The following RSPO2 variants were observed in gnomAD, a reference collection of about 807,000 sequenced individuals.
The protein encoded by RSPO2 is R-spondin 2, also known as R-spondin-2.
In RSPO2, 14 loss-of-function variants were observed where a neutral mutation model predicts 30.9. That is an observed-to-expected ratio of 0.45 (90% CI 0.30 to 0.71). The LOEUF (loss-of-function observed/expected upper bound fraction) is 0.71. Ranked by LOEUF, RSPO2 falls within the 30% of genes least tolerant of loss-of-function variation. RSPO2 has a pLI of 0.08. For missense variants in RSPO2, 264 were observed against 301.9 expected, an observed-to-expected ratio of 0.87 and a Z score of 0.93; for synonymous variants, 107 against 96.4, an observed-to-expected ratio of 1.11 and a Z score of -0.64.
At chr8:107,994,492 C>T (rs1563554928) in intron 2 of RSPO2, among the ~76,000 whole-genome samples, 1 of 151,948 alleles carries the variant, frequency 6.6e-6, no homozygotes, top group African/African-American at 2.4e-5. Flanking sequence ...ATACCTGAAC[C>T]ATATGAAGTT....
intron 2 of RSPO2, among the ~76,000 whole-genome samples, chr8:108,014,760 A>G (rs1810824430): frequency 6.6e-6 from 1 of 151,702 alleles, no homozygotes; most frequent in Admixed American, 6.6e-5. Context: ...CGGGTTGATG[A>G]GCGCAGCAAA....
At chr8:107,964,240 T>C (rs1813724186) in intron 3 of RSPO2, among the ~76,000 whole-genome samples, 1 of 152,154 alleles carries the variant, frequency 6.6e-6, no homozygotes, top group Admixed American at 6.5e-5. Context: ...CATTCGTTCA[T>C]TCATTCATTC....
chr8:107,975,666 C>T (rs1043450541), intron 3 of RSPO2, among the ~76,000 whole-genome samples: 2 of 152,214 alleles, frequency 1.3e-5, no homozygotes, highest in Non-Finnish European at 2.9e-5. Flanking sequence ...TTAATATGTA[C>T]TGAGAACTTA....
chr8:108,013,012 A>T (rs760407518), intron 2 of RSPO2, among the ~76,000 whole-genome samples: 3 of 152,178 alleles, frequency 2.0e-5, no homozygotes, highest in Non-Finnish European at 4.4e-5. Context: ...ACACCAAGGG[A>T]TATGCTGTGG....
At chr8:108,035,151 T>G (rs1811550618) in intron 2 of RSPO2, among the ~76,000 whole-genome samples, 1 of 152,200 alleles carries the variant, frequency 6.6e-6, no homozygotes, top group South Asian at 2.1e-4. Context: ...TACCTGAGTA[T>G]CTAGAAGTAG....
chr8:107,915,527 T>A (rs544639484), intron 5 of RSPO2, among the ~76,000 whole-genome samples: 2 of 152,080 alleles, frequency 1.3e-5, no homozygotes, highest in African/African-American at 4.8e-5. Flanking sequence ...AGAAGGATAG[T>A]TTGGAAGGTA....
chr8:107,910,147 C>T (rs1247298070), intron 5 of RSPO2, among the ~76,000 whole-genome samples: 3 of 152,144 alleles, frequency 2.0e-5, no homozygotes, highest in East Asian at 1.9e-4. Flanking sequence ...CATACTATAA[C>T]GGAAGGTACC....
intron 2 of RSPO2, among the ~76,000 whole-genome samples, chr8:108,039,595 T>C (rs1811693741): frequency 1.3e-5 from 2 of 152,068 alleles, no homozygotes; most frequent in South Asian, 4.2e-4. Context: ...TGAAAGGTGG[T>C]TTGTCTTAAG....
At chr8:107,971,261 C>T (rs1362243846) in intron 3 of RSPO2, among the ~76,000 whole-genome samples, 3 of 152,126 alleles carry the variant, frequency 2.0e-5, no homozygotes, top group Admixed American at 6.6e-5. Flanking sequence ...AATACAATTA[C>T]CTCTATTAAA....
At chr8:108,067,872 A>T (rs570404798) in intron 2 of RSPO2, among the ~76,000 whole-genome samples, 1 of 152,162 alleles carries the variant, frequency 6.6e-6, no homozygotes, top group South Asian at 2.1e-4. Flanking sequence ...GCAGATCACA[A>T]AGGTCAGGAG....
At chr8:108,050,615 C>T (rs1450866855) in intron 2 of RSPO2, among the ~76,000 whole-genome samples, 1 of 152,038 alleles carries the variant, frequency 6.6e-6, no homozygotes, top group East Asian at 1.9e-4. Flanking sequence ...GGCAAGGTGG[C>T]ATTAATAAAA....
chr8:108,081,674 G>T (rs1376070085), intron 2 of RSPO2, among the ~76,000 whole-genome samples: 1 of 152,076 alleles, frequency 6.6e-6, no homozygotes, highest in Non-Finnish European at 1.5e-5. Context: ...CACTAAATCT[G>T]CAGGAAAGCG....
chr8:107,950,593 C>CT (rs1813210695), intron 5 of RSPO2, among the ~76,000 whole-genome samples: 1 of 151,662 alleles, frequency 6.6e-6, no homozygotes, highest in Non-Finnish European at 1.5e-5. Context: ...AGTTATTAAA[C>CT]GTCTCTTGAC....
At chr8:107,939,509 G>A (rs768763274) in intron 5 of RSPO2, among the ~76,000 whole-genome samples, 1 of 145,484 alleles carries the variant, frequency 6.9e-6, no homozygotes, top group African/African-American at 2.6e-5. Context: ...TAACATTAAG[G>A]CTGTCTCTAC....
chr8:108,061,999 C>T (rs1470759150), intron 2 of RSPO2, among the ~76,000 whole-genome samples: 4 of 151,812 alleles, frequency 2.6e-5, no homozygotes, highest in Non-Finnish European at 5.9e-5. Flanking sequence ...AGAACAAAGA[C>T]ACAACATACC....
intron 2 of RSPO2, among the ~76,000 whole-genome samples, chr8:107,991,485 G>C (rs892902481): frequency 1.3e-5 from 2 of 152,068 alleles, no homozygotes; most frequent in African/African-American, 4.8e-5. Context: ...TTAGGACATA[G>C]GCACAGGCAA....
chr8:107,928,795 T>G (rs1165140171), intron 5 of RSPO2, among the ~76,000 whole-genome samples: 1 of 152,206 alleles, frequency 6.6e-6, no homozygotes, highest in Admixed American at 6.5e-5. Context: ...TGAGATAAAG[T>G]TGGCGTTATG....
intron 3 of RSPO2, among the ~76,000 whole-genome samples, chr8:107,984,402 G>A (rs1438489866): frequency 1.3e-5 from 2 of 152,188 alleles, no homozygotes; most frequent in African/African-American, 4.8e-5. Flanking sequence ...TTTCTATCAT[G>A]CATTAACTGT....
At chr8:108,037,249 A>T (rs1811625621) in intron 2 of RSPO2, among the ~76,000 whole-genome samples, 1 of 152,248 alleles carries the variant, frequency 6.6e-6, no homozygotes, top group Non-Finnish European at 1.5e-5. Flanking sequence ...AAACACAGAT[A>T]GGTGAAACAG....
Sources: allele counts gnomAD v4.1 joint callset (sites outside exome capture counted in the v4.1 genomes callset), GRCh38; gene constraint gnomAD v4.1.1; transcripts MANE v1.5; gene names NCBI Gene and HGNC (gene_info 2026-07-23, HGNC 2026-07-21).